The following ZFP64 variants were observed in gnomAD, a reference collection of about 807,000 sequenced individuals.
ZFP64 encodes ZFP64 zinc finger protein.
In ZFP64, 14 loss-of-function variants were observed where a neutral mutation model predicts 51.6. That is an observed-to-expected ratio of 0.27 (90% confidence interval 0.18 to 0.42). The LOEUF (loss-of-function observed/expected upper bound fraction) is 0.42, where lower values mean the gene tolerates loss of function less well. Ranked by LOEUF, ZFP64 falls within the 10% of genes least tolerant of loss-of-function variation. The probability of loss-of-function intolerance (pLI) is 1.00; values close to 1 mark genes in which losing one functional copy is unlikely to be tolerated. For missense variants in ZFP64, 754 were observed against 906.8 expected, an observed-to-expected ratio of 0.83 and a Z score of 2.16; for synonymous variants, 375 against 361.4, an observed-to-expected ratio of 1.04 and a Z score of -0.43.
At chr20:52,147,884 G>T (rs1211597979), downstream of ZFP64, among the ~76,000 whole-genome samples, 4 of 152,068 alleles carry the variant, frequency 2.6e-5, no homozygotes, top group African/African-American at 9.7e-5. Flanking sequence ...AGCCAGGCAT[G>T]GTGGCAGGCG....
At chr20:52,159,905 G>A (rs895488117) in intron 5 of ZFP64, among the ~76,000 whole-genome samples, 1 of 152,174 alleles carries the variant, frequency 6.6e-6, no homozygotes, top group Non-Finnish European at 1.5e-5. Flanking sequence ...AGCCTGGGAG[G>A]TGGAGGTTGC....
intron 5 of ZFP64, among the ~76,000 whole-genome samples, chr20:52,138,017 A>G (rs1427168557): frequency 8.8e-6 from 1 of 113,680 alleles, no homozygotes; most frequent in African/African-American, 3.2e-5. Flanking sequence ...CTTTACAAAA[A>G]TAAATAAATA....
rs78246910 is a variant in ZFP64 at position 52,125,047 on chromosome 20, T to C, written c.764-26460A>G. ...ATAAAAGCACCAAGCTTTGTTTGCA[T>C]TGTTCATGTGAAACCATCTAAGCTA... On this transcript the variant is annotated intron_variant, in intron 5 of 8. Transcript: ENST00000361387. Among the ~76,000 whole-genome samples the C allele has an allele frequency of 1.7e-3, 264 of 152,336 alleles. 14 individuals carry two copies. The East Asian group carries it at 0.044, about 26-fold the overall frequency.
exon 9 of ZFP64, chr20:52,084,784 C>G: frequency 4.3e-6 from 7 of 1,614,192 alleles, no homozygotes; most frequent in Non-Finnish European, 5.9e-6. Context: ...ATCTTGGCCA[C>G]GTGCTGGGAG....
At chr20:52,133,841 C>A (rs181828743) in intron 5 of ZFP64, among the ~76,000 whole-genome samples, 4 of 151,844 alleles carry the variant, frequency 2.6e-5, no homozygotes, top group African/African-American at 9.7e-5. Context: ...CCAGCCTGGG[C>A]AACATTGTAA....
intron 5 of ZFP64, among the ~76,000 whole-genome samples, chr20:52,109,289 G>A (rs768653594): frequency 2.6e-5 from 4 of 151,842 alleles, no homozygotes; most frequent in African/African-American, 4.8e-5. Context: ...TCAGCCTCCC[G>A]AGTAGCTAGG....
intron 2 of ZFP64, among the ~76,000 whole-genome samples, chr20:52,172,638 C>T (rs1425939636): frequency 2.0e-5 from 3 of 152,058 alleles, no homozygotes; most frequent in Non-Finnish European, 2.9e-5. Context: ...GACTTGCCCA[C>T]GCCCCAAGAA....
At chr20:52,104,836 CCT>C (rs1568949365) in intron 5 of ZFP64, 2 of 639,748 alleles carry the variant, frequency 3.1e-6, no homozygotes, top group Non-Finnish European at 5.9e-6. Flanking sequence ...CCGAAAACAG[CCT>C]CTGAGGGGTC....
At chr20:52,150,742 C>T (rs1980752313), downstream of ZFP64, among the ~76,000 whole-genome samples, 1 of 152,220 alleles carries the variant, frequency 6.6e-6, no homozygotes, top group Admixed American at 6.5e-5. Flanking sequence ...AACCTCCCCT[C>T]CTCACCAATC....
chr20:52,155,800 T>C (rs1048337725), intron 5 of ZFP64, among the ~76,000 whole-genome samples: 1 of 152,164 alleles, frequency 6.6e-6, no homozygotes, highest in Admixed American at 6.6e-5. Context: ...GTTTAAAGAA[T>C]GTTGGATGAA....
chr20:52,136,113 A>AG (rs1979964653), intron 5 of ZFP64, among the ~76,000 whole-genome samples: 1 of 150,238 alleles, frequency 6.7e-6, no homozygotes, highest in Non-Finnish European at 1.5e-5. Context: ...AAAAAAAAAA[A>AG]AAAAAAAGAA....
At chr20:52,184,059 A>C (rs530745242) in intron 2 of ZFP64, among the ~76,000 whole-genome samples, 1 of 152,312 alleles carries the variant, frequency 6.6e-6, no homozygotes, top group South Asian at 2.1e-4. Context: ...CATGTTGGCC[A>C]GGCTGGTCTT....
intron 5 of ZFP64, among the ~76,000 whole-genome samples, chr20:52,141,331 G>A (rs1325747760): frequency 6.6e-6 from 1 of 152,084 alleles, no homozygotes; most frequent in Non-Finnish European, 1.5e-5. Flanking sequence ...AAAGTAAATT[G>A]GAAACCTTCT....
intron 2 of ZFP64, among the ~76,000 whole-genome samples, chr20:52,167,467 T>TTTCCTCCCTCCC: frequency 1.2e-5 from 1 of 84,604 alleles, no homozygotes; most frequent in Non-Finnish European, 2.6e-5. Flanking sequence ...CTTAGGCATG[T>TTTCCTCCCTCCC]TTCCTCCCTC....
At chr20:52,097,845 G>T (rs553415365) in intron 6 of ZFP64, among the ~76,000 whole-genome samples, 50 of 152,186 alleles carry the variant, frequency 3.3e-4, no homozygotes, top group African/African-American at 1.2e-3. Context: ...AAGGTGGGAG[G>T]ATCACTGGAG....
At chr20:52,170,050 T>C (rs1982595143) in intron 2 of ZFP64, among the ~76,000 whole-genome samples, 1 of 149,826 alleles carries the variant, frequency 6.7e-6, no homozygotes, top group East Asian at 2.0e-4. Context: ...CAAAATTCCG[T>C]CTCAAAAAAA....
intron 5 of ZFP64, chr20:52,104,529 G>GC (rs1421403389): frequency 2.9e-6 from 1 of 339,062 alleles, no homozygotes. Context: ...GCCGTCCCCC[G>GC]CCCCCCACCG....
chr20:52,142,378 A>ACACACACACACACACGCG (rs1555804621), intron 5 of ZFP64, among the ~76,000 whole-genome samples: 590 of 38,334 alleles, frequency 0.015, 2 homozygotes, highest in African/African-American at 0.052. Flanking sequence ...ACACACACAG[A>ACACACACACACACACGCG]CACACACACA....
intron 3 of ZFP64, 84 bp downstream of exon 3, chr20:52,165,780 T>C: frequency 1.3e-6 from 2 of 1,565,276 alleles, no homozygotes; most frequent in Admixed American, 1.8e-5. Context: ...CCATGAGCAG[T>C]TGTCAGGAAC....
Sources: allele counts gnomAD v4.1 joint callset (sites outside exome capture counted in the v4.1 genomes callset), GRCh38; gene constraint gnomAD v4.1.1; transcripts MANE v1.5; gene names NCBI Gene and HGNC (gene_info 2026-07-23, HGNC 2026-07-21).